Variants in ITGA9 observed in about 807,000 individuals in gnomAD.
ITGA9 encodes integrin alpha-9.
ITGA9 carries 56 observed loss-of-function variants against 127.8 expected under a neutral mutation model. The ratio of observed to expected loss-of-function variants is 0.44; its 90% CI spans 0.35 to 0.55. ITGA9 has a LOEUF of 0.55. ITGA9 is among the 20% of genes least tolerant of loss of function. The pLI is 0.00. For synonymous variants in ITGA9, 508 were observed against 514.5 expected, an observed-to-expected ratio of 0.99 and a Z score of 0.17; for missense variants, 1,196 against 1,347.1, an observed-to-expected ratio of 0.89 and a Z score of 1.76.
At chr3:37,521,838 T>C (rs970832308) in intron 11 of ITGA9, among the ~76,000 whole-genome samples, 6 of 152,286 alleles carry the variant, frequency 3.9e-5, no homozygotes, top group African/African-American at 1.4e-4. Flanking sequence ...GACAGAGCCA[T>C]GTGGGATGTA....
chr3:37,581,007 G>A (rs1039861405), intron 15 of ITGA9, among the ~76,000 whole-genome samples: 4 of 152,192 alleles, frequency 2.6e-5, no homozygotes, highest in African/African-American at 9.6e-5. Flanking sequence ...ACAAAATAAT[G>A]TGTGAAGGAA....
At chr3:37,694,204 G>A (rs1700860994) in intron 18 of ITGA9, among the ~76,000 whole-genome samples, 1 of 152,186 alleles carries the variant, frequency 6.6e-6, no homozygotes, top group Non-Finnish European at 1.5e-5. Flanking sequence ...TTCCCCATCC[G>A]CTTATCAGAT....
At position 37,803,918 on chromosome 3, in the gene ITGA9, G is replaced by C. The variant is rs141021379; in HGVS notation, c.2985G>C (p.Leu995=). Residue 995 remains leucine (L), a synonymous_variant, in exon 27 of 28, where the codon CTG becomes CTC. Coordinates refer to ENST00000264741, the MANE Select transcript of ITGA9 (RefSeq NM_002207.3). ...ISLLVGILIF[L]LLAVLLWKMG... ...TGTTGGTGGGAATCCTCATCTTCCT[G>C]CTGCTGGCCGTGCTGCTCTGGAAGG... The C allele has an allele frequency of 5.1e-5, 83 of 1,614,062 alleles. No homozygotes were observed. Among genetic ancestry groups the C allele is most frequent in the Middle Eastern group, 3.3e-4 (2 of 6,084 alleles).
At position 37,776,076 on chromosome 3, in the gene ITGA9, C is replaced by A. The variant is rs568636617; in HGVS notation, c.2542-1316C>A. ...GGCCATTATCCCTAGCAAACTAACA[C>A]AGGAACAGAAAACCAAATATCACAT... On this transcript the variant is annotated intron_variant, in intron 23 of 27. Coordinates refer to ENST00000264741, the MANE Select transcript of ITGA9 (RefSeq NM_002207.3). Among the ~76,000 whole-genome samples the A allele has an allele frequency of 1.2e-4, 18 of 152,260 alleles. No individual in the cohort carries two copies. In the East Asian group the frequency reaches 3.3e-3, roughly 28 times the overall value.
chr3:37,512,120 C>CCTTCCTTCTTTTCT (rs1698929069), intron 8 of ITGA9, among the ~76,000 whole-genome samples: 2 of 39,448 alleles, frequency 5.1e-5, no homozygotes, highest in Non-Finnish European at 9.4e-5. Context: ...TTCCTTCCTT[C>CCTTCCTTCTTTTCT]TTTCTTTTCT....
intron 3 of ITGA9, among the ~76,000 whole-genome samples, chr3:37,474,289 C>G (rs1698467765): frequency 6.6e-6 from 1 of 152,138 alleles, no homozygotes; most frequent in Non-Finnish European, 1.5e-5. Context: ...CCAAATTAAA[C>G]TAGAAATTCA....
rs1413993836 is a variant in ITGA9, at chr3:37,470,993, T to C, written c.186-14T>C. The C allele has an allele frequency of 1.9e-6, 3 of 1,613,998 alleles. No homozygotes were observed. Among genetic ancestry groups the C allele is most frequent in the Non-Finnish European group, 2.5e-6 (3 of 1,179,922 alleles). On this transcript the variant is annotated splice_polypyrimidine_tract_variant and intron_variant, in intron 1 of 27. Coordinates refer to ENST00000264741, the MANE Select transcript of ITGA9 (RefSeq NM_002207.3). Reference sequence around the variant, plus strand: ...TCGTAGGTTGTGACAGAATGCCTTTTTCTCTTGCTGCAGGGTCCTTGTGGG... The same window carrying C: ...TCGTAGGTTGTGACAGAATGCCTTTCTCTCTTGCTGCAGGGTCCTTGTGGG...
intron 15 of ITGA9, among the ~76,000 whole-genome samples, chr3:37,546,829 T>C (rs998529872): frequency 6.6e-5 from 10 of 152,226 alleles, no homozygotes; most frequent in African/African-American, 2.4e-4. Flanking sequence ...TGCCAAAGAA[T>C]AAATGCAGGT....
At chr3:37,794,161 C>G (rs1697145666) in intron 26 of ITGA9, among the ~76,000 whole-genome samples, 1 of 152,354 alleles carries the variant, frequency 6.6e-6, no homozygotes. Context: ...GTCACTCTGA[C>G]ATCACCCCTG....
intron 15 of ITGA9, among the ~76,000 whole-genome samples, chr3:37,628,924 C>T (rs1429490175): frequency 6.6e-6 from 1 of 152,150 alleles, no homozygotes; most frequent in Non-Finnish European, 1.5e-5. Context: ...CTTCCATATG[C>T]TCAAGAGAAG....
chr3:37,517,184 G>A (rs1698992002), intron 9 of ITGA9, among the ~76,000 whole-genome samples: 1 of 152,230 alleles, frequency 6.6e-6, no homozygotes, highest in African/African-American at 2.4e-5. Flanking sequence ...GCACATGGGG[G>A]AAAGGTGGGT....
At chr3:37,650,081 T>C (rs898228309) in intron 16 of ITGA9, among the ~76,000 whole-genome samples, 2 of 152,340 alleles carry the variant, frequency 1.3e-5, no homozygotes, top group African/African-American at 2.4e-5. Flanking sequence ...TGCAAGTTGA[T>C]GTGGCAGTCA....
At chr3:37,503,077 T>C in intron 5 of ITGA9, 101 bp from the exon 6 acceptor site, 2 of 1,381,230 alleles carry the variant, frequency 1.4e-6, no homozygotes, top group Non-Finnish European at 2.0e-6. Context: ...AAGTTCTTGG[T>C]GTGAGGAATT....
chr3:37,798,332 C>G (rs1194590584), intron 26 of ITGA9, among the ~76,000 whole-genome samples: 1 of 152,186 alleles, frequency 6.6e-6, no homozygotes, highest in Non-Finnish European at 1.5e-5. Flanking sequence ...CACATTATTA[C>G]TATGTTTTCA....
intron 9 of ITGA9, among the ~76,000 whole-genome samples, chr3:37,517,227 C>T (rs1698992522): frequency 6.6e-6 from 1 of 152,150 alleles, no homozygotes; most frequent in Non-Finnish European, 1.5e-5. Context: ...TGTATTAGGA[C>T]AAGGCAGAGA....
intron 15 of ITGA9, among the ~76,000 whole-genome samples, chr3:37,555,350 A>T (rs1699420343): frequency 7.4e-6 from 1 of 134,992 alleles, no homozygotes; most frequent in South Asian, 2.3e-4. Flanking sequence ...AATGTTCCGT[A>T]TCAGCACTGT....
At chr3:37,648,380 T>G (rs974846422) in intron 16 of ITGA9, among the ~76,000 whole-genome samples, 1 of 152,250 alleles carries the variant, frequency 6.6e-6, no homozygotes, top group African/African-American at 2.4e-5. Flanking sequence ...TCACAACACT[T>G]TGGGAGGCTG....
chr3:37,455,655 G>T (rs564672378), intron 1 of ITGA9, among the ~76,000 whole-genome samples: 1 of 152,170 alleles, frequency 6.6e-6, no homozygotes, highest in Admixed American at 6.5e-5. Context: ...TGTATCTTAC[G>T]TCTCTCTTCT....
intron 3 of ITGA9, 71 bp from the exon 4 acceptor site, chr3:37,481,413 A>G (rs929457637): frequency 2.9e-5 from 47 of 1,593,932 alleles, no homozygotes; most frequent in Non-Finnish European, 4.0e-5. Context: ...AACATCTGGC[A>G]CTGACAGGAG....
Sources: gnomAD v4.1 joint callset for allele counts (sites outside exome capture counted in the v4.1 genomes callset) on GRCh38, gnomAD v4.1.1 for gene constraint, MANE v1.5 for transcripts, NCBI Gene and HGNC (gene_info 2026-07-23, HGNC 2026-07-21) for gene names.